Variants in DPY19L4 observed in about 807,000 individuals in gnomAD.
The protein encoded by DPY19L4 is dpy-19 like 4, also known as probable C-mannosyltransferase DPY19L4.
Under a neutral mutation model 102.8 loss-of-function variants are expected in DPY19L4, and 97 were observed. The observed-to-expected ratio is 0.94, with a 90% CI of 0.80 to 1.12. DPY19L4 has a LOEUF of 1.12. DPY19L4 is among the 50% of genes most tolerant of loss of function. DPY19L4 has a pLI of 0.00. For synonymous variants in DPY19L4, 252 were observed against 283.1 expected, an observed-to-expected ratio of 0.89 and a Z score of 1.10; for missense variants, 815 against 850.4, an observed-to-expected ratio of 0.96 and a Z score of 0.52.
rs1812621943 is a variant in DPY19L4 at position 94,765,290 on chromosome 8, C to G, written c.978C>G (p.Ala326=). Residue 326 remains alanine, a synonymous_variant, in exon 9 of 19, where the codon GCC becomes GCG. Transcript: ENST00000414645. ...LVSPLLSLVA[A]LMLAKCLQLN... ...CTCCTTTATTAAGTTTAGTAGCAGCCTTAATGCTTGCTAAGTGCCTTCAGG... is the reference window on the plus strand; with the variant it reads ...CTCCTTTATTAAGTTTAGTAGCAGCGTTAATGCTTGCTAAGTGCCTTCAGG... The G allele has an allele frequency of 1.9e-6, 3 of 1,604,852 alleles. No individual in the cohort carries two copies. Among genetic ancestry groups the G allele is most frequent in the Non-Finnish European group, 2.5e-6 (3 of 1,177,886 alleles).
chr8:94,739,597 T>C (rs1381572635), intron 5 of DPY19L4, 48 bp from the exon 6 acceptor site: 1 of 1,604,492 alleles, frequency 6.2e-7, no homozygotes, highest in African/African-American at 1.3e-5. Flanking sequence ...CCTCAAATTA[T>C]TTAATGCCAT....
chr8:94,783,945 CT>C, intron 17 of DPY19L4, 143 bp downstream of exon 17: 1 of 971,742 alleles, frequency 1.0e-6, no homozygotes, highest in Non-Finnish European at 1.5e-6. Context: ...TTTAAAAAAC[CT>C]TTTTAATTAA....
At chr8:94,729,136 C>T (rs1036227030) in intron 2 of DPY19L4, among the ~76,000 whole-genome samples, 9 of 151,830 alleles carry the variant, frequency 5.9e-5, no homozygotes, top group Non-Finnish European at 1.0e-4. Context: ...TTTGGGAGGA[C>T]GAGGCAGGTG....
chr8:94,722,292 A>G (rs949090347), intron 1 of DPY19L4, among the ~76,000 whole-genome samples: 2 of 151,738 alleles, frequency 1.3e-5, no homozygotes, highest in African/African-American at 4.8e-5. Flanking sequence ...CTATAGTCCC[A>G]GCTACCCGGG....
At chr8:94,767,986 A>AGCCAC (rs1812750831) in intron 11 of DPY19L4, among the ~76,000 whole-genome samples, 2 of 152,048 alleles carry the variant, frequency 1.3e-5, no homozygotes, top group Non-Finnish European at 2.9e-5. Flanking sequence ...AGTATGTCTC[A>AGCCAC]ATTTGAATTG....
intron 6 of DPY19L4, among the ~76,000 whole-genome samples, chr8:94,749,831 T>C (rs1182933090): frequency 6.6e-6 from 1 of 152,208 alleles, no homozygotes; most frequent in East Asian, 1.9e-4. Flanking sequence ...GTTCATTAAA[T>C]GGTATTGGGA....
At chr8:94,724,458 C>CT in intron 1 of DPY19L4, among the ~76,000 whole-genome samples, 1 of 152,206 alleles carries the variant, frequency 6.6e-6, no homozygotes, top group East Asian at 1.9e-4. Context: ...TAACCTAGAG[C>CT]AGGGGAATAT....
rs1196928539 is a variant in DPY19L4 at position 94,781,354 on chromosome 8, G to A, written c.1715+188G>A. 2.6e-5 allele frequency among the ~76,000 whole-genome samples: 4 copies of A among 152,122 alleles called. 1 individual carries two copies. On this transcript the variant is annotated intron_variant, in intron 16 of 18. Coordinates refer to ENST00000414645, the MANE Select transcript of DPY19L4 (RefSeq NM_181787.3). ...ATTTTCCGCTCATCTCCATGGGCTT[G>A]AAAATATAGCATTGGTCGGTATAAG...
At chr8:94,739,323 A>G in intron 4 of DPY19L4, 90 bp from the exon 5 acceptor site, 2 of 1,407,898 alleles carry the variant, frequency 1.4e-6, no homozygotes, top group South Asian at 3.3e-5. Flanking sequence ...ATCTTTCTTG[A>G]TAACAATATT....
chr8:94,755,985 T>C, intron 6 of DPY19L4, 51 bp from the exon 7 acceptor site: 1 of 1,555,178 alleles, frequency 6.4e-7, no homozygotes, highest in Non-Finnish European at 8.8e-7. Flanking sequence ...AAGTATAGTG[T>C]AACACAAATA....
intron 8 of DPY19L4, among the ~76,000 whole-genome samples, chr8:94,764,666 C>CGGGTGT (rs1812558499): frequency 1.3e-5 from 1 of 78,352 alleles, no homozygotes; most frequent in Non-Finnish European, 2.3e-5. Context: ...TGTATGTATG[C>CGGGTGT]GTGTGTGTGT....
Position 94,790,131 on chromosome 8 carries a change from C to T in DPY19L4, c.*221C>T, listed in dbSNP as rs1269442353. 1.0e-5 allele frequency: 4 copies of T among 385,966 alleles called. No homozygotes were observed. The highest frequency in any genetic ancestry group is 1.8e-5 in the Non-Finnish European group (4 of 218,246). 23.9% of individuals were successfully genotyped at this position (385,966 alleles called of 1,614,324 possible). A position where few individuals can be genotyped will look rare whatever the true frequency, so the allele number is the denominator to read the frequency against. On this transcript the variant is annotated 3_prime_UTR_variant, in exon 19 of 19. Coordinates refer to ENST00000414645, the MANE Select transcript of DPY19L4 (RefSeq NM_181787.3). ...ATCTACCACTCTGCAATATTCCAGA[C>T]AGGTGTCTTCCTTACCGTTACATGG...
intron 2 of DPY19L4, among the ~76,000 whole-genome samples, chr8:94,734,243 C>T (rs1448251615): frequency 6.6e-6 from 1 of 151,776 alleles, no homozygotes; most frequent in Non-Finnish European, 1.5e-5. Flanking sequence ...ATTTTAGTTT[C>T]ACCATGTTGG....
Position 94,789,931 on chromosome 8 carries a change from T to G in DPY19L4, c.*21T>G, listed in dbSNP as rs767605566. 2.5e-6 allele frequency: 4 copies of G among 1,580,384 alleles called. No homozygotes were observed. The East Asian group carries it at 9.3e-5, about 37-fold the overall frequency. Reference sequence around the variant, plus strand: ...CTTGAAAAATAACAGAGCCTTCATTTCAAAGACTACCTGAAGTAAAATGCA... The same window carrying G: ...CTTGAAAAATAACAGAGCCTTCATTGCAAAGACTACCTGAAGTAAAATGCA... On this transcript the variant is annotated 3_prime_UTR_variant, in exon 19 of 19. Coordinates refer to ENST00000414645, the MANE Select transcript of DPY19L4 (RefSeq NM_181787.3).
chr8:94,763,338 T>G (rs1812481625), intron 8 of DPY19L4, among the ~76,000 whole-genome samples: 1 of 149,972 alleles, frequency 6.7e-6, no homozygotes, highest in Non-Finnish European at 1.5e-5. Flanking sequence ...TATTTTATTT[T>G]TATTTATTTT....
At chr8:94,756,207 G>A in intron 7 of DPY19L4, 48 bp downstream of exon 7, 3 of 1,586,454 alleles carry the variant, frequency 1.9e-6, no homozygotes, top group Non-Finnish European at 8.6e-7. Context: ...CTGATGTATT[G>A]CAAATGTGGC....
intron 7 of DPY19L4, among the ~76,000 whole-genome samples, chr8:94,759,030 C>T (rs1812285383): frequency 6.6e-6 from 1 of 152,148 alleles, no homozygotes; most frequent in Non-Finnish European, 1.5e-5. Flanking sequence ...CCAGTGGGTT[C>T]ATGGTCTCGC....
chr8:94,732,870 T>C (rs967620251), intron 2 of DPY19L4, among the ~76,000 whole-genome samples: 3 of 149,914 alleles, frequency 2.0e-5, no homozygotes, highest in African/African-American at 7.4e-5. Context: ...GAATGCAGTG[T>C]TGCCATCTCG....
intron 16 of DPY19L4, 129 bp from the exon 17 acceptor site, chr8:94,783,541 T>C (rs1436146757): frequency 1.8e-5 from 23 of 1,291,634 alleles, no homozygotes; most frequent in Non-Finnish European, 2.3e-5. Flanking sequence ...TGAAATGAAA[T>C]GAAAACTGGC....
Sources: allele counts gnomAD v4.1 joint callset (sites outside exome capture counted in the v4.1 genomes callset), GRCh38; gene constraint gnomAD v4.1.1; transcripts MANE v1.5; gene names NCBI Gene and HGNC (gene_info 2026-07-23, HGNC 2026-07-21).